Variants in PRKG1 observed in about 807,000 individuals in gnomAD.
PRKG1 encodes the protein protein kinase cGMP-dependent 1.
In PRKG1, 35 loss-of-function variants were observed where a neutral mutation model predicts 88.1. The ratio of observed to expected loss-of-function variants is 0.40; its 90% CI spans 0.30 to 0.53. PRKG1 has a LOEUF of 0.53. Ranked by LOEUF, PRKG1 falls within the 20% of genes least tolerant of loss-of-function variation. The pLI is 0.59. For synonymous variants in PRKG1, 303 were observed against 292.5 expected, an observed-to-expected ratio of 1.04 and a Z score of -0.37; for missense variants, 540 against 839.8, an observed-to-expected ratio of 0.64 and a Z score of 4.41.
chr10:51,474,935 A>G (rs139532310), intron 3 of PRKG1, among the ~76,000 whole-genome samples: 70 of 152,132 alleles, frequency 4.6e-4, no homozygotes, highest in African/African-American at 1.6e-3. Context: ...TTTATAATTT[A>G]CAAACTGTCA....
chr10:51,957,586 C>T (rs1843345716), intron 5 of PRKG1, among the ~76,000 whole-genome samples: 1 of 152,160 alleles, frequency 6.6e-6, no homozygotes, highest in Non-Finnish European at 1.5e-5. Context: ...AGCCATTGTG[C>T]CCAACTGTGA....
At chr10:51,001,932 T>A (rs1214290722) in intron 1 of PRKG1, among the ~76,000 whole-genome samples, 1 of 148,568 alleles carries the variant, frequency 6.7e-6, no homozygotes, top group Non-Finnish European at 1.5e-5. Context: ...GTTTGAAAAG[T>A]GTATTATCAA....
chr10:51,365,702 C>T (rs1486004439), intron 2 of PRKG1, among the ~76,000 whole-genome samples: 1 of 151,886 alleles, frequency 6.6e-6, no homozygotes, highest in Non-Finnish European at 1.5e-5. Context: ...GCATTTTAAC[C>T]AGATTCCTAG....
intron 4 of PRKG1, among the ~76,000 whole-genome samples, chr10:51,886,337 T>A (rs926805063): frequency 1.3e-5 from 2 of 152,228 alleles, no homozygotes; most frequent in African/African-American, 4.8e-5. Context: ...GGTTTTTTTT[T>A]AAACATCATC....
intron 2 of PRKG1, among the ~76,000 whole-genome samples, chr10:51,185,709 C>T (rs1837467691): frequency 6.6e-6 from 1 of 151,686 alleles, no homozygotes; most frequent in Non-Finnish European, 1.5e-5. Flanking sequence ...TATTTTACAA[C>T]ATAGTTTTAA....
At chr10:51,489,930 T>C (rs569809031) in intron 3 of PRKG1, among the ~76,000 whole-genome samples, 1 of 152,270 alleles carries the variant, frequency 6.6e-6, no homozygotes, top group African/African-American at 2.4e-5. Context: ...GAATGTGGAC[T>C]CACTTATCAT....
intron 2 of PRKG1, among the ~76,000 whole-genome samples, chr10:51,378,332 T>C (rs1212831549): frequency 1.3e-5 from 2 of 152,318 alleles, no homozygotes; most frequent in African/African-American, 4.8e-5. Flanking sequence ...TTAAAATGCA[T>C]GATTCATGCA....
At chr10:51,502,162 T>C (rs1337373100) in intron 3 of PRKG1, among the ~76,000 whole-genome samples, 1 of 152,180 alleles carries the variant, frequency 6.6e-6, no homozygotes, top group East Asian at 1.9e-4. Flanking sequence ...CCTGAGGTCA[T>C]TCCAAATTTG....
At chr10:52,200,484 T>C (rs1839636391) in intron 9 of PRKG1, among the ~76,000 whole-genome samples, 1 of 152,188 alleles carries the variant, frequency 6.6e-6, no homozygotes, top group Admixed American at 6.5e-5. Flanking sequence ...GTTGGTTCCA[T>C]GTCTTTGCTA....
chr10:51,945,869 C>T (rs1391139494), intron 5 of PRKG1, among the ~76,000 whole-genome samples: 1 of 151,668 alleles, frequency 6.6e-6, no homozygotes, highest in Non-Finnish European at 1.5e-5. Context: ...CCCGACCTTT[C>T]TCTCTGGCTG....
chr10:51,842,621 A>G (rs1447359554), intron 4 of PRKG1, among the ~76,000 whole-genome samples: 1 of 152,202 alleles, frequency 6.6e-6, no homozygotes, highest in Non-Finnish European at 1.5e-5. Context: ...TTTAGCACTC[A>G]TTTTGATATT....
In PRKG1 at chr10:51,074,504, G is replaced by A; in HGVS notation, c.-87G>A. 6.7e-7 allele frequency: 1 copy of A among 1,501,944 alleles called. No homozygotes were observed. The highest frequency in any genetic ancestry group is 8.9e-7 in the Non-Finnish European group (1 of 1,122,892). The allele number at this position is 1,501,944 out of a possible 1,614,324, so 93.0% of individuals were successfully genotyped here. A position where few individuals can be genotyped will look rare whatever the true frequency, so the allele number is the denominator to read the frequency against. ...GCTTTGGCACTCGGGAGGCAGCGGC[G>A]ACTTTGGGGAAAGTTGATCGGAGAG... On this transcript the variant is annotated 5_prime_UTR_variant, in exon 1 of 18. Transcript: ENST00000373980.
At chr10:52,123,619 T>C (rs949020609) in intron 7 of PRKG1, among the ~76,000 whole-genome samples, 2 of 152,156 alleles carry the variant, frequency 1.3e-5, no homozygotes, top group African/African-American at 4.8e-5. Context: ...TTAGAAGAAA[T>C]TGTTCTGTAA....
At chr10:52,056,284 A>G (rs973984366) in intron 6 of PRKG1, among the ~76,000 whole-genome samples, 1 of 152,158 alleles carries the variant, frequency 6.6e-6, no homozygotes, top group African/African-American at 2.4e-5. Flanking sequence ...CCATGGATGT[A>G]AATTATTTGA....
At chr10:51,656,356 A>G (rs996146219) in intron 3 of PRKG1, among the ~76,000 whole-genome samples, 15 of 152,242 alleles carry the variant, frequency 9.9e-5, no homozygotes, top group Admixed American at 3.9e-4. Flanking sequence ...TTTTGATCAC[A>G]CTTGGTCGTG....
At chr10:51,649,351 AC>A (rs1210753838) in intron 3 of PRKG1, among the ~76,000 whole-genome samples, 6 of 152,302 alleles carry the variant, frequency 3.9e-5, no homozygotes, top group South Asian at 2.1e-4. Context: ...CCTTCTTTGT[AC>A]AACCAGTCTT....
At chr10:51,270,953 T>C (rs1250188777) in intron 2 of PRKG1, among the ~76,000 whole-genome samples, 4 of 152,236 alleles carry the variant, frequency 2.6e-5, no homozygotes, top group Non-Finnish European at 5.9e-5. Flanking sequence ...TAATGACTAC[T>C]TAGATCTGAG....
intron 1 of PRKG1, among the ~76,000 whole-genome samples, chr10:51,126,091 T>C (rs1449629587): frequency 8.5e-6 from 1 of 117,796 alleles, no homozygotes; most frequent in Non-Finnish European, 1.6e-5. Context: ...TATAATTATA[T>C]AATAATATAC....
At chr10:51,197,470 C>T (rs1021046403) in intron 2 of PRKG1, among the ~76,000 whole-genome samples, 1 of 151,810 alleles carries the variant, frequency 6.6e-6, no homozygotes, top group African/African-American at 2.4e-5. Context: ...CGGGGTTTCA[C>T]CAAGTTGGCC....
Sources: allele counts gnomAD v4.1 joint callset (sites outside exome capture counted in the v4.1 genomes callset), GRCh38; gene constraint gnomAD v4.1.1; transcripts MANE v1.5; gene names NCBI Gene and HGNC (gene_info 2026-07-23, HGNC 2026-07-21).